FCHO2: variants seen among roughly 807,000 people sequenced by gnomAD.
FCHO2 encodes the protein F-BAR domain only protein 2.
FCHO2 carries 43 observed loss-of-function variants against 114.1 expected under a neutral mutation model. That is an observed-to-expected ratio of 0.38 (90% CI 0.30 to 0.49). The LOEUF (loss-of-function observed/expected upper bound fraction) is 0.49. Ranked by LOEUF, FCHO2 falls within the 20% of genes least tolerant of loss-of-function variation. The pLI, the probability that FCHO2 is intolerant of heterozygous loss-of-function variation, is 0.97. For missense variants in FCHO2, 807 were observed against 950.4 expected, an observed-to-expected ratio of 0.85 and a Z score of 1.98; for synonymous variants, 293 against 315.2, an observed-to-expected ratio of 0.93 and a Z score of 0.75.
intron 2 of FCHO2, among the ~76,000 whole-genome samples, chr5:72,969,996 C>G (rs774275814): frequency 6.6e-6 from 1 of 152,124 alleles, no homozygotes; most frequent in Admixed American, 6.6e-5. Flanking sequence ...TTATGCTGAT[C>G]CCAGCTATCA....
chr5:73,013,809 C>A (rs1298685368), intron 6 of FCHO2, among the ~76,000 whole-genome samples: 1 of 152,108 alleles, frequency 6.6e-6, no homozygotes, highest in African/African-American at 2.4e-5. Flanking sequence ...CCTGAACCTC[C>A]TTAGTAGCTG....
At position 73,015,669 on chromosome 5, in the gene FCHO2, A is replaced by G; in HGVS notation, c.644A>G (p.Glu215Gly). 6.3e-7 allele frequency: 1 copy of G among 1,582,004 alleles called. No individual in the cohort carries two copies. The highest frequency in any genetic ancestry group is 8.5e-7 in the Non-Finnish European group (1 of 1,169,822). ...IEETHLIHIK[E>G]IIGSLSNAIK... ...GAAACTCATCTCATTCACATAAAGG[A>G]AATTATAGGATCCTTGTCAAATGCT... Residue 215 changes from glutamate (E) to glycine (G), a missense_variant, in exon 7 of 26, where the codon GAA (glutamate) becomes GGA (glycine). Glu to Gly is a moderately conservative substitution (Grantham distance 98). Transcript: ENST00000430046.
chr5:73,002,767 A>G (rs1754514333), intron 5 of FCHO2, among the ~76,000 whole-genome samples: 1 of 152,166 alleles, frequency 6.6e-6, no homozygotes, highest in African/African-American at 2.4e-5. Context: ...AATACATGTT[A>G]TTGTTTCTGT....
At chr5:72,996,959 G>T (rs753509248) in intron 5 of FCHO2, 14 of 1,606,800 alleles carry the variant, frequency 8.7e-6, no homozygotes, top group Non-Finnish European at 1.2e-5. Context: ...GCGCACGTTC[G>T]TGGCCTTCGC....
chr5:73,020,649 T>C, intron 8 of FCHO2: 1 of 958,972 alleles, frequency 1.0e-6, no homozygotes, highest in Non-Finnish European at 1.7e-6. Context: ...ACTTTCAAGT[T>C]CCAGTTATTA....
chr5:72,964,379 A>G (rs1003113507), intron 1 of FCHO2, among the ~76,000 whole-genome samples: 5 of 152,084 alleles, frequency 3.3e-5, no homozygotes, highest in Non-Finnish European at 4.4e-5. Flanking sequence ...TATTCTACAT[A>G]CTTTATTTCA....
intron 16 of FCHO2, among the ~76,000 whole-genome samples, chr5:73,058,183 A>T (rs1041404820): frequency 7.3e-5 from 11 of 151,680 alleles, no homozygotes; most frequent in South Asian, 2.1e-4. Flanking sequence ...ATTTAAAAAA[A>T]TTTTTTTGTG....
chr5:73,016,781 C>G (rs1306003455), intron 7 of FCHO2, among the ~76,000 whole-genome samples: 3 of 151,820 alleles, frequency 2.0e-5, no homozygotes, highest in Non-Finnish European at 2.9e-5. Context: ...CCTATAGTCC[C>G]AGCTACTTGG....
chr5:73,046,764 C>T (rs1390617395), intron 11 of FCHO2, among the ~76,000 whole-genome samples: 1 of 152,104 alleles, frequency 6.6e-6, no homozygotes, highest in East Asian at 1.9e-4. Context: ...CCTTTGTCAT[C>T]TTTTTATCCG....
At chr5:73,055,918 T>G (rs966711138) in intron 15 of FCHO2, 147 bp from the exon 16 acceptor site, 1 of 555,150 alleles carries the variant, frequency 1.8e-6, no homozygotes, top group African/African-American at 2.0e-5. Context: ...AATAGAAAAC[T>G]TGTTAAAATA....
intron 1 of FCHO2, among the ~76,000 whole-genome samples, chr5:72,961,737 G>A (rs1372558858): frequency 2.6e-5 from 4 of 151,948 alleles, no homozygotes; most frequent in East Asian, 1.9e-4. Flanking sequence ...TGGGATTACC[G>A]GCATGCACCA....
At chr5:73,008,770 A>G (rs1311477619) in intron 6 of FCHO2, among the ~76,000 whole-genome samples, 2 of 152,092 alleles carry the variant, frequency 1.3e-5, no homozygotes, top group South Asian at 2.1e-4. Context: ...TCCTACGTAT[A>G]TTTTCCTTTA....
chr5:72,968,633 C>G (rs749068469), intron 2 of FCHO2, 44 bp downstream of exon 2: 1 of 1,313,644 alleles, frequency 7.6e-7, no homozygotes, highest in African/African-American at 1.5e-5. Flanking sequence ...AACTTAATAG[C>G]AATTTAAATT....
chr5:72,993,681 G>A (rs1420985108), intron 5 of FCHO2, among the ~76,000 whole-genome samples: 1 of 152,130 alleles, frequency 6.6e-6, no homozygotes, highest in African/African-American at 2.4e-5. Flanking sequence ...AAACTTCGTT[G>A]CATGATTGGA....
chr5:73,011,802 G>C (rs149534388), intron 6 of FCHO2, among the ~76,000 whole-genome samples: 40 of 152,092 alleles, frequency 2.6e-4, no homozygotes, highest in African/African-American at 9.4e-4. Context: ...TCCTAGCTGC[G>C]TGGGAGGCTC....
chr5:72,980,581 A>G (rs1045372415), intron 2 of FCHO2, among the ~76,000 whole-genome samples: 1 of 152,102 alleles, frequency 6.6e-6, no homozygotes, highest in Admixed American at 6.6e-5. Context: ...GTGGGAGTCT[A>G]ATTCTTTTTG....
chr5:73,078,852 TCAAAACCAATTA>T lies in FCHO2; in HGVS notation c.1980+546_1980+557del, dbSNP rs1362802220. ...TAATTAATACCAAAATTAATAACTT[TCAAAACCAATTA>T]CAAAAACTAGTGGAGAAAAATATTC... is the stretch of plus-strand genomic sequence containing the variant. On this transcript the variant is annotated intron_variant, in intron 22 of 25. Coordinates refer to ENST00000430046, the MANE Select transcript of FCHO2 (RefSeq NM_138782.3). Among the ~76,000 whole-genome samples, 3 of 152,192 alleles carry T rather than the reference TCAAAACCAATTA, an allele frequency of 2.0e-5. No individual in the cohort carries two copies. The East Asian group carries it at 5.8e-4, about 29-fold the overall frequency.
At position 72,956,150 on chromosome 5, in the gene FCHO2, G is replaced by A. The variant is rs375835604; in HGVS notation, c.33+21G>A. ...TTTGGGTAAGCTTAGGATGTTGGAA[G>A]TCGTGTGTTTCGAAGTCCAAGGCTT... On this transcript the variant is annotated intron_variant, in intron 1 of 25. Transcript: ENST00000430046. 3.0e-5 allele frequency: 46 copies of A among 1,533,338 alleles called. No individual in the cohort carries two copies. The African/African-American group carries it at 6.3e-4, about 21-fold the overall frequency. The allele number at this position is 1,533,338 out of a possible 1,614,324, so 95.0% of individuals were successfully genotyped here. A position where few individuals can be genotyped will look rare whatever the true frequency, so the allele number is the denominator to read the frequency against.
At chr5:72,978,468 G>T (rs1434843360) in intron 2 of FCHO2, among the ~76,000 whole-genome samples, 1 of 152,192 alleles carries the variant, frequency 6.6e-6, no homozygotes, top group Non-Finnish European at 1.5e-5. Flanking sequence ...TGTATCCTGA[G>T]AATTTACTGA....
Sources: allele counts gnomAD v4.1 joint callset (sites outside exome capture counted in the v4.1 genomes callset), GRCh38; gene constraint gnomAD v4.1.1; transcripts MANE v1.5; gene names NCBI Gene and HGNC (gene_info 2026-07-23, HGNC 2026-07-21).